Variants in QKI observed in about 807,000 individuals in gnomAD.
QKI encodes KH domain-containing RNA-binding protein QKI.
In QKI, 10 loss-of-function variants were observed where a neutral mutation model predicts 39.0. That is an observed-to-expected ratio of 0.26 (90% CI 0.16 to 0.43). The LOEUF is 0.43. Ranked by LOEUF, QKI falls within the 20% of genes least tolerant of loss-of-function variation. QKI has a pLI of 1.00. For synonymous variants in QKI, 204 were observed against 155.4 expected (o/e 1.31, Z -2.33); for missense variants, 218 against 428.0 (o/e 0.51, Z 4.33).
chr6:163,488,913 G>A (rs960276102), intron 3 of QKI, among the ~76,000 whole-genome samples: 3 of 150,754 alleles, frequency 2.0e-5, no homozygotes, highest in Non-Finnish European at 4.4e-5. Context: ...TATTTACCTA[G>A]TCCTCCCTTG....
Position 163,479,435 on chromosome 6 carries a change from A to C in QKI, c.402+539A>C, listed in dbSNP as rs1276522084. Reference sequence around the variant, plus strand: ...CACCCAGGCTGGAGTGCAGTGGTGCAATCTTGGCTCACTGCAGCCTCCGCT... The same window carrying C: ...CACCCAGGCTGGAGTGCAGTGGTGCCATCTTGGCTCACTGCAGCCTCCGCT... On this transcript the variant is annotated intron_variant, in intron 3 of 7. Transcript: ENST00000361752. Among the ~76,000 whole-genome samples, 2 of 152,086 alleles carry C rather than the reference A, an allele frequency of 1.3e-5. 1 individual carries two copies. The highest frequency in any genetic ancestry group is 3.9e-4 in the East Asian group (2 of 5,158).
chr6:163,434,721 T>A (rs1489977629), intron 1 of QKI, among the ~76,000 whole-genome samples: 3 of 151,486 alleles, frequency 2.0e-5, no homozygotes, highest in Non-Finnish European at 4.4e-5. Flanking sequence ...AAAAAAAAAA[T>A]TAATAAATAA....
At chr6:163,426,672 A>G (rs149947945) in intron 1 of QKI, among the ~76,000 whole-genome samples, 1,646 of 152,262 alleles carry the variant, frequency 0.011, 31 homozygotes, top group African/African-American at 0.036. Context: ...TCTTTCTGCA[A>G]TTACTTGGCA....
In QKI at chr6:163,570,756, A is replaced by C; in HGVS notation, c.*46A>C. 1 of 1,607,036 alleles carries C rather than the reference A, an allele frequency of 6.2e-7. No individual in the cohort carries two copies. Among genetic ancestry groups the C allele is most frequent in the Non-Finnish European group, 8.5e-7 (1 of 1,176,638 alleles). On this transcript the variant is annotated 3_prime_UTR_variant, in exon 8 of 8. Transcript: ENST00000361752. The stretch of plus-strand genomic sequence containing the variant: ...GAACTCTTCACCCAATGATGACCTG[A>C]CCATGCCTGCCTGCTGATCAGTTAA...
chr6:163,565,509 T>G, intron 6 of QKI: 1 of 988,494 alleles, frequency 1.0e-6, no homozygotes, highest in Non-Finnish European at 1.2e-6. Flanking sequence ...CAGTAAAACT[T>G]GTTTCTCATT....
In QKI at chr6:163,573,255, A is replaced by C. The variant is rs1273376272; in HGVS notation, c.*2545A>C. 6.6e-6 allele frequency: 1 copy of C among 152,128 alleles called. No homozygotes were observed. Among genetic ancestry groups the C allele is most frequent in the Admixed American group, 6.6e-5 (1 of 15,260 alleles). The allele number at this position is 152,128 out of a possible 1,614,324, so 9.4% of individuals were successfully genotyped here. ...TTCTCAGTATTATCATTCTTTATTG[A>C]ATTTATTTCTTATTAAAATATGTAG... is the stretch of plus-strand genomic sequence containing the variant. On this transcript the variant is annotated 3_prime_UTR_variant, in exon 8 of 8. Transcript: ENST00000361752.
intron 4 of QKI, among the ~76,000 whole-genome samples, chr6:163,536,177 T>A (rs1204037487): frequency 1.3e-5 from 2 of 152,198 alleles, no homozygotes; most frequent in Non-Finnish European, 2.9e-5. Flanking sequence ...TTATTTTTTT[T>A]AATGATCAGG....
rs112551349 is a variant in QKI, at chr6:163,426,416, C to G, written c.142+11081C>G. ...TACTTTGTTATCTTACATCAGGAGG[C>G]ACAGTAACTGGCTCTGCCATCAGAT... On this transcript the variant is annotated intron_variant, in intron 1 of 7. Coordinates refer to ENST00000361752, the MANE Select transcript of QKI (RefSeq NM_006775.3). Among the ~76,000 whole-genome samples the G allele has an allele frequency of 3.4e-3, 517 of 152,228 alleles. 2 individuals are homozygous for G. The highest frequency in any genetic ancestry group is 3.9e-3 in the Non-Finnish European group (266 of 68,010).
intron 3 of QKI, among the ~76,000 whole-genome samples, chr6:163,534,059 G>A (rs892068415): frequency 6.6e-6 from 1 of 152,088 alleles, no homozygotes; most frequent in African/African-American, 2.4e-5. Context: ...TGTGTGCCAG[G>A]TGCATTTATA....
intron 6 of QKI, chr6:163,566,360 A>T: frequency 8.3e-7 from 1 of 1,203,014 alleles, no homozygotes; most frequent in Non-Finnish European, 1.0e-6. Context: ...AATTGTCTGT[A>T]TTAAACATGG....
intron 3 of QKI, among the ~76,000 whole-genome samples, chr6:163,524,556 C>T (rs1780358868): frequency 6.6e-6 from 1 of 152,090 alleles, no homozygotes; most frequent in Non-Finnish European, 1.5e-5. Context: ...GCAACCTCCA[C>T]CTCCGAGGTT....
At chr6:163,495,370 A>G (rs1778341050) in intron 3 of QKI, among the ~76,000 whole-genome samples, 1 of 152,052 alleles carries the variant, frequency 6.6e-6, no homozygotes, top group Non-Finnish European at 1.5e-5. Flanking sequence ...ACCACAAATA[A>G]TGAGAGTTGC....
At chr6:163,537,486 T>C (rs1455349117) in intron 4 of QKI, among the ~76,000 whole-genome samples, 1 of 152,210 alleles carries the variant, frequency 6.6e-6, no homozygotes, top group Non-Finnish European at 1.5e-5. Flanking sequence ...TGCCTAAATA[T>C]TTTCAAAGGC....
intron 3 of QKI, among the ~76,000 whole-genome samples, chr6:163,505,253 C>T (rs560973282): frequency 2.2e-4 from 34 of 152,320 alleles, no homozygotes; most frequent in African/African-American, 4.3e-4. Flanking sequence ...ACCTCTGCTA[C>T]GGCAGTGCAG....
In QKI at chr6:163,577,410, GTC is replaced by G. The variant is rs2091207471; in HGVS notation, c.*6702_*6703del. ...CAACACTAGACTTAAAAAAAAAAAA[GTC>G]TGATTGCCCATATTAGATTTTTTTT... On this transcript the variant is annotated 3_prime_UTR_variant, in exon 8 of 8. Transcript: ENST00000361752. 1 of 150,180 alleles carries G rather than the reference GTC, an allele frequency of 6.7e-6. No homozygotes were observed. The highest frequency in any genetic ancestry group is 1.5e-5 in the Non-Finnish European group (1 of 67,518). The allele number at this position is 150,180 out of a possible 1,614,324, so 9.3% of individuals were successfully genotyped here. A position where few individuals can be genotyped will look rare whatever the true frequency, so the allele number is the denominator to read the frequency against.
intron 3 of QKI, among the ~76,000 whole-genome samples, chr6:163,531,899 T>C (rs187517499): frequency 6.6e-6 from 1 of 152,234 alleles, no homozygotes; most frequent in Non-Finnish European, 1.5e-5. Flanking sequence ...CTTTGAAAAT[T>C]TTTGCTCCTT....
rs1293768089 is a variant in QKI, at chr6:163,573,538, A to C, written c.*2828A>C. On this transcript the variant is annotated 3_prime_UTR_variant, in exon 8 of 8. Transcript: ENST00000361752. Reference sequence around the variant, plus strand: ...GTATGTTATATAACATTCAAAAAGAATTTTTTTCTTGATTGAGAAAAGGAT... The same window carrying C: ...GTATGTTATATAACATTCAAAAAGACTTTTTTTCTTGATTGAGAAAAGGAT... The C allele has an allele frequency of 6.6e-6, 1 of 152,166 alleles. No homozygotes were observed. Among genetic ancestry groups the C allele is most frequent in the Non-Finnish European group, 1.5e-5 (1 of 68,014 alleles). The allele number at this position is 152,166 out of a possible 1,614,324, so 9.4% of individuals were successfully genotyped here. A position where few individuals can be genotyped will look rare whatever the true frequency, so the allele number is the denominator to read the frequency against.
intron 1 of QKI, among the ~76,000 whole-genome samples, chr6:163,440,667 C>A (rs1789698713): frequency 6.6e-6 from 1 of 152,124 alleles, no homozygotes; most frequent in African/African-American, 2.4e-5. Context: ...TTAGAGGTTT[C>A]TTTTAAGAGG....
At position 163,564,038 on chromosome 6, in the gene QKI, G is replaced by A. The variant is rs1562549373; in HGVS notation, c.934+319G>A. On this transcript the variant is annotated intron_variant, in intron 6 of 7. Transcript: ENST00000361752. ...GTTTTAGGTCCCACCCCATTGGCCC[G>A]TCACCTCCATCAGCTCCACTTCTCA... is the stretch of plus-strand genomic sequence containing the variant. 7 of 1,142,872 alleles carry A rather than the reference G, an allele frequency of 6.1e-6. No homozygotes were observed. The South Asian group carries it at 1.5e-4, about 24-fold the overall frequency. The allele number at this position is 1,142,872 out of a possible 1,614,324, so 70.8% of individuals were successfully genotyped here.
Sources: allele counts gnomAD v4.1 joint callset (sites outside exome capture counted in the v4.1 genomes callset), GRCh38; gene constraint gnomAD v4.1.1; transcripts MANE v1.5; gene names NCBI Gene and HGNC (gene_info 2026-07-23, HGNC 2026-07-21).